SLC16A10: variants seen among roughly 807,000 people sequenced by gnomAD.
SLC16A10 encodes the protein monocarboxylate transporter 10.
SLC16A10 carries 27 observed loss-of-function variants against 40.0 expected under a neutral mutation model. The ratio of observed to expected loss-of-function variants is 0.67; its 90% CI spans 0.50 to 0.93. The LOEUF is 0.93. SLC16A10 is among the 40% of genes least tolerant of loss of function. SLC16A10 has a pLI of 0.00. For missense variants in SLC16A10, 529 were observed against 658.2 expected (o/e 0.80, Z 2.15); for synonymous variants, 213 against 249.8 (o/e 0.85, Z 1.39).
At chr6:111,117,773 T>G (rs1233954715) in intron 1 of SLC16A10, among the ~76,000 whole-genome samples, 4 of 152,198 alleles carry the variant, frequency 2.6e-5, no homozygotes, top group Non-Finnish European at 5.9e-5. Flanking sequence ...ACTAATAGAC[T>G]GTAAGAATTT....
rs751937243 is a variant in SLC16A10 at position 111,218,887 on chromosome 6, C to T, written c.1160C>T (p.Ala387Val). The T allele has an allele frequency of 9.3e-6, 15 of 1,614,104 alleles. No homozygotes were observed. The highest frequency in any genetic ancestry group is 1.3e-5 in the African/African-American group (1 of 75,000). ...TGTAGCATCTTTGGGGCCCTCATTG[C>T]TGTGTGCCTCATCATGGGTCTCTTC... ...PLCSIFGALIAVCLIMGLFDG... is the reference protein window; with the variant it reads ...PLCSIFGALIVVCLIMGLFDG... Residue 387 changes from alanine to valine, a missense_variant, in exon 5 of 6, where the codon GCT (alanine) becomes GTT (valine). Physicochemically the swap from Ala to Val is moderately conservative, Grantham distance 64 (BLOSUM62 0). Coordinates refer to ENST00000368851, the MANE Select transcript of SLC16A10 (RefSeq NM_018593.5).
Position 111,224,609 on chromosome 6 carries a change from T to C in SLC16A10, c.*2374T>C, listed in dbSNP as rs1770957855. ...TATTGTAATAGACTCATACGGAGAA[T>C]ACTCTGCTATAATAATATAAAATTA... On this transcript the variant is annotated 3_prime_UTR_variant, in exon 6 of 6. Transcript: ENST00000368851. The C allele has an allele frequency of 6.6e-6, 1 of 152,214 alleles. No individual in the cohort carries two copies. Among genetic ancestry groups the C allele is most frequent in the Non-Finnish European group, 1.5e-5 (1 of 68,030 alleles). 9.4% of individuals were successfully genotyped at this position (152,214 alleles called of 1,614,324 possible). A position where few individuals can be genotyped will look rare whatever the true frequency, so the allele number is the denominator to read the frequency against.
chr6:111,166,440 T>A (rs754683814), intron 1 of SLC16A10, among the ~76,000 whole-genome samples: 17 of 138,762 alleles, frequency 1.2e-4, no homozygotes, highest in Non-Finnish European at 2.6e-4. Flanking sequence ...TTTATTCCAA[T>A]GCCACAAACA....
At chr6:111,135,380 C>T (rs543209544) in intron 1 of SLC16A10, among the ~76,000 whole-genome samples, 1 of 152,310 alleles carries the variant, frequency 6.6e-6, no homozygotes, top group South Asian at 2.1e-4. Context: ...CTAGTAAAAG[C>T]ATGCAGTAGC....
In SLC16A10 at chr6:111,153,225, C is replaced by T. The variant is rs1409734202; in HGVS notation, c.344-19470C>T. On this transcript the variant is annotated intron_variant, in intron 1 of 5. Coordinates refer to ENST00000368851, the MANE Select transcript of SLC16A10 (RefSeq NM_018593.5). ...TTTAAAAGGTTCCCTAGCTTAGGTGCACTGGCAAGAAATTATAAAAGCAGC... is the reference window on the plus strand; with the variant it reads ...TTTAAAAGGTTCCCTAGCTTAGGTGTACTGGCAAGAAATTATAAAAGCAGC... Among the ~76,000 whole-genome samples, 4 of 152,246 alleles carry T rather than the reference C, an allele frequency of 2.6e-5. No homozygotes were observed. In the East Asian group the frequency reaches 7.7e-4, roughly 29 times the overall value.
chr6:111,219,389 C>T (rs1770843868), intron 5 of SLC16A10, among the ~76,000 whole-genome samples: 1 of 151,974 alleles, frequency 6.6e-6, no homozygotes, highest in South Asian at 2.1e-4. Flanking sequence ...ATTAGCCAGG[C>T]GTGGTGGCAT....
At chr6:111,143,769 C>G (rs1772026052) in intron 1 of SLC16A10, among the ~76,000 whole-genome samples, 1 of 152,078 alleles carries the variant, frequency 6.6e-6, no homozygotes. Flanking sequence ...GGTGGACACA[C>G]GTTGTATATT....
chr6:111,100,050 T>G (rs541181403), intron 1 of SLC16A10, among the ~76,000 whole-genome samples: 2 of 152,118 alleles, frequency 1.3e-5, no homozygotes, highest in Non-Finnish European at 2.9e-5. Context: ...GGTTATTTTT[T>G]TTCAGCATAG....
At position 111,179,816 on chromosome 6, in the gene SLC16A10, C is replaced by G. The variant is rs187453551; in HGVS notation, c.942+2151C>G. On this transcript the variant is annotated intron_variant, in intron 3 of 5. Coordinates refer to ENST00000368851, the MANE Select transcript of SLC16A10 (RefSeq NM_018593.5). ...TCTTTCTCATAACGGTGCCCGTTAT[C>G]GCACCGAATGCAGCACGGTAGAGGA... 2.5e-3 allele frequency among the ~76,000 whole-genome samples: 388 copies of G among 152,294 alleles called. 2 individuals carry two copies. Among genetic ancestry groups the G allele is most frequent in the African/African-American group, 8.8e-3 (367 of 41,570 alleles).
chr6:111,107,530 C>T (rs910190572), intron 1 of SLC16A10, among the ~76,000 whole-genome samples: 2 of 152,092 alleles, frequency 1.3e-5, no homozygotes, highest in African/African-American at 4.8e-5. Flanking sequence ...GTAGACCATC[C>T]GTGTCAATTT....
intron 1 of SLC16A10, among the ~76,000 whole-genome samples, chr6:111,161,940 T>A (rs1562417802): frequency 6.6e-6 from 1 of 152,178 alleles, no homozygotes; most frequent in Non-Finnish European, 1.5e-5. Context: ...TTGATCCAGA[T>A]TTTTACATCA....
At chr6:111,181,338 A>G (rs900604163) in intron 3 of SLC16A10, among the ~76,000 whole-genome samples, 1 of 152,104 alleles carries the variant, frequency 6.6e-6, no homozygotes, top group African/African-American at 2.4e-5. Flanking sequence ...ATCTATGGAG[A>G]TAAACCCAAT....
intron 4 of SLC16A10, among the ~76,000 whole-genome samples, chr6:111,218,211 A>G (rs1169280553): frequency 2.0e-5 from 3 of 152,180 alleles, no homozygotes; most frequent in Non-Finnish European, 4.4e-5. Flanking sequence ...TATCTAGTCC[A>G]AAGATGAATT....
intron 3 of SLC16A10, among the ~76,000 whole-genome samples, chr6:111,188,006 T>C (rs777157872): frequency 1.3e-5 from 2 of 152,232 alleles, no homozygotes; most frequent in Non-Finnish European, 2.9e-5. Flanking sequence ...TGTTTATCTC[T>C]GTTCACTATA....
Position 111,160,518 on chromosome 6 carries a change from A to G in SLC16A10, c.344-12177A>G, listed in dbSNP as rs529724421. ...CAGCCTCCCAAAGTGCTGGTGACAC[A>G]GGATTTTGCTCAGCTACTTTGCCAA... On this transcript the variant is annotated intron_variant, in intron 1 of 5. Coordinates refer to ENST00000368851, the MANE Select transcript of SLC16A10 (RefSeq NM_018593.5). 5.9e-5 allele frequency among the ~76,000 whole-genome samples: 9 copies of G among 152,370 alleles called. No homozygotes were observed. In the East Asian group the frequency reaches 1.5e-3, roughly 26 times the overall value.
chr6:111,106,576 C>G (rs549573501), intron 1 of SLC16A10, among the ~76,000 whole-genome samples: 2 of 152,084 alleles, frequency 1.3e-5, no homozygotes, highest in Admixed American at 6.6e-5. Flanking sequence ...CTATTATTTA[C>G]GGTTACTTGA....
intron 1 of SLC16A10, among the ~76,000 whole-genome samples, chr6:111,164,075 T>C (rs1198614326): frequency 6.6e-6 from 1 of 152,262 alleles, no homozygotes; most frequent in Non-Finnish European, 1.5e-5. Context: ...TAATACCCTT[T>C]TGAATTTAGT....
intron 3 of SLC16A10, among the ~76,000 whole-genome samples, chr6:111,187,235 T>G (rs933404469): frequency 6.6e-6 from 1 of 152,222 alleles, no homozygotes; most frequent in Non-Finnish European, 1.5e-5. Flanking sequence ...CATTGGAGTC[T>G]CAGGACCACT....
chr6:111,132,916 T>C (rs941338420), intron 1 of SLC16A10, among the ~76,000 whole-genome samples: 2 of 152,164 alleles, frequency 1.3e-5, no homozygotes, highest in African/African-American at 2.4e-5. Context: ...ATGCGAGCTA[T>C]TTGCACTCAG....
Sources: gnomAD v4.1 joint callset for allele counts (sites outside exome capture counted in the v4.1 genomes callset) on GRCh38, gnomAD v4.1.1 for gene constraint, MANE v1.5 for transcripts, NCBI Gene and HGNC (gene_info 2026-07-23, HGNC 2026-07-21) for gene names.